GGA3: variants seen among roughly 807,000 people sequenced by gnomAD.
GGA3 encodes the protein ADP-ribosylation factor-binding protein GGA3.
A neutral mutation model predicts 77.5 loss-of-function variants in GGA3; 57 were observed. That is an observed-to-expected ratio of 0.74 (90% CI 0.59 to 0.92). The LOEUF is 0.92. Ranked by LOEUF, GGA3 falls within the 40% of genes least tolerant of loss-of-function variation. The pLI, the probability that GGA3 is intolerant of heterozygous loss-of-function variation, is 0.00. For synonymous variants in GGA3, 416 were observed against 383.7 expected, an observed-to-expected ratio of 1.08 and a Z score of -0.98; for missense variants, 970 against 914.9, an observed-to-expected ratio of 1.06 and a Z score of -0.78.
Position 75,239,804 on chromosome 17 carries a change from A to G in GGA3, c.1568T>C (p.Leu523Pro). The G allele has an allele frequency of 6.2e-7, 1 of 1,613,736 alleles. No individual in the cohort carries two copies. Among genetic ancestry groups the G allele is most frequent in the Admixed American group, 1.7e-5 (1 of 60,022 alleles). The change falls in exon 13 of 17, where the codon CTA becomes CCA. Residue 523 changes from leucine (L) to proline (P), a missense_variant. By Grantham distance (98) the Leu-to-Pro change is moderately conservative. Transcript: ENST00000537686. ...LHHLDALDQL[L>P]EEAKVTSGLV... ...CACTCATTACACTTTGGCCTCTTCT[A>G]GAAGCTGATCGAGGGCATCCAGGTG...
At chr17:75,251,477 G>A (rs2076963364) in intron 1 of GGA3, among the ~76,000 whole-genome samples, 1 of 152,056 alleles carries the variant, frequency 6.6e-6, no homozygotes, top group Non-Finnish European at 1.5e-5. Context: ...AGAGGCTGAG[G>A]TGGGTGGATC....
At chr17:75,240,283 G>C (rs1316533075) in intron 12 of GGA3, 59 bp downstream of exon 12, 1 of 1,281,164 alleles carries the variant, frequency 7.8e-7, no homozygotes, top group East Asian at 2.4e-5. Context: ...CAGGAGACAT[G>C]ACGCTGGAAA....
chr17:75,244,238 CGGCCAGCTGAGCATCGGAGCAATGACGGA>C (rs549000969), intron 4 of GGA3, among the ~76,000 whole-genome samples: 15 of 152,286 alleles, frequency 9.8e-5, no homozygotes, highest in African/African-American at 3.4e-4. Context: ...CAACAGAACA[CGGCCAGCTGAGCATCGGAGCAATGACGGA>C]GGCCAGCTCC....
chr17:75,241,401 T>C lies in GGA3; in HGVS notation c.945A>G (p.Glu315=). 1 of 1,594,978 alleles carries C rather than the reference T, an allele frequency of 6.3e-7. No homozygotes were observed. ...GAGTTGGGGACCAGAGCATCTCACC[T>C]TCCGAGTCAGGCAGGGTTAAGGTAG... ...EVATLTLPDS[E]GNSQCSNQGT... The change falls in exon 10 of 17, where the codon GAA becomes GAG. Residue 315 remains glutamate, a splice_region_variant and synonymous_variant. Coordinates refer to ENST00000537686, the MANE Select transcript of GGA3 (RefSeq NM_138619.4).
chr17:75,238,716 G>A lies in GGA3; in HGVS notation c.1997C>T (p.Pro666Leu). 1 of 1,614,042 alleles carries A rather than the reference G, an allele frequency of 6.2e-7. No individual in the cohort carries two copies. Among genetic ancestry groups the A allele is most frequent in the Non-Finnish European group, 8.5e-7 (1 of 1,179,928 alleles). Residue 666 changes from proline (P) to leucine (L), a missense_variant, in exon 16 of 17, where the codon CCA becomes CTA. Physicochemically the swap from Pro to Leu is moderately conservative, Grantham distance 98. Transcript: ENST00000537686. ...LQPPSGTELSPFSPIQPPAAI... is the reference protein window; with the variant it reads ...LQPPSGTELSLFSPIQPPAAI... ...TGCAGGTGGCTGGATGGGGCTAAAT[G>A]GAGAGAGTTCTGTCCCAGAAGGTGG...
intron 1 of GGA3, among the ~76,000 whole-genome samples, chr17:75,257,416 C>T (rs2077194837): frequency 6.6e-6 from 1 of 152,154 alleles, no homozygotes; most frequent in African/African-American, 2.4e-5. Context: ...CAAGCCATCA[C>T]AGGTGATATC....
intron 1 of GGA3, among the ~76,000 whole-genome samples, chr17:75,247,893 T>C (rs1422405646): frequency 6.6e-6 from 1 of 152,202 alleles, no homozygotes; most frequent in Non-Finnish European, 1.5e-5. Context: ...GTGATTACAC[T>C]GAAGAGCCCA....
In GGA3 at chr17:75,252,861, T is replaced by A. The variant is rs561748475; in HGVS notation, c.41-6065A>T. ...ACCCTTGAGAATGTACTTTGTGAGA[T>A]CCATCCCTGCCCGCAAAACATTGCT... On this transcript the variant is annotated intron_variant, in intron 1 of 16. Coordinates refer to ENST00000537686, the MANE Select transcript of GGA3 (RefSeq NM_138619.4). Among the ~76,000 whole-genome samples the A allele has an allele frequency of 3.9e-5, 6 of 152,262 alleles. No homozygotes were observed. The South Asian group carries it at 1.2e-3, about 32-fold the overall frequency.
Position 75,241,687 on chromosome 17 carries a change from C to A in GGA3, c.757G>T (p.Asp253Tyr). The A allele has an allele frequency of 6.2e-7, 1 of 1,613,828 alleles. No homozygotes were observed. Among genetic ancestry groups the A allele is most frequent in the South Asian group, 1.1e-5 (1 of 91,048 alleles). ...GTCCGCCTCTTGTTCTCACACTGAT[C>A]AAACAGCTCCTGAAAGAGACTCGGA... is the stretch of plus-strand genomic sequence containing the variant. ...GDRELMKELF[D>Y]QCENKRRTLF... The change falls in exon 9 of 17, where the codon GAT (aspartate) becomes TAT (tyrosine). Residue 253 changes from aspartate to tyrosine, a missense_variant. Coordinates refer to ENST00000537686, the MANE Select transcript of GGA3 (RefSeq NM_138619.4).
At chr17:75,261,304 G>A (rs9906606) in intron 1 of GGA3, among the ~76,000 whole-genome samples, 1 of 152,108 alleles carries the variant, frequency 6.6e-6, no homozygotes, top group African/African-American at 2.4e-5. Flanking sequence ...CCCGACAGGA[G>A]CCCGAGTTCA....
rs1013021255 is a variant in GGA3, at chr17:75,237,335, T to G, written c.*944A>C. On this transcript the variant is annotated 3_prime_UTR_variant, in exon 17 of 17. Coordinates refer to ENST00000537686, the MANE Select transcript of GGA3 (RefSeq NM_138619.4). ...GTGTAACATTTGTGATCCTGAGGCC[T>G]CCTGTGTCCAGCCACAGGTGCCACA... The G allele has an allele frequency of 3.4e-5, 25 of 726,902 alleles. 1 individual carries two copies. Among genetic ancestry groups the G allele is most frequent in the Admixed American group, 1.9e-4 (9 of 46,998 alleles). The allele number at this position is 726,902 out of a possible 1,614,324, so 45.0% of individuals were successfully genotyped here. A position where few individuals can be genotyped will look rare whatever the true frequency, so the allele number is the denominator to read the frequency against.
chr17:75,261,631 T>C, upstream of GGA3: 2 of 1,502,256 alleles, frequency 1.3e-6, no homozygotes, highest in Non-Finnish European at 1.8e-6. Flanking sequence ...CGCGAGAGTC[T>C]GCACGAGCTG....
chr17:75,260,697 A>C (rs563179626), intron 1 of GGA3, among the ~76,000 whole-genome samples: 46 of 152,192 alleles, frequency 3.0e-4, no homozygotes, highest in Non-Finnish European at 4.6e-4. Context: ...CACTTAAAGG[A>C]GGCTTCCAGG....
chr17:75,248,237 C>T (rs534671916), intron 1 of GGA3, among the ~76,000 whole-genome samples: 27 of 151,594 alleles, frequency 1.8e-4, no homozygotes, highest in East Asian at 1.6e-3. Flanking sequence ...TTTGGGAGGC[C>T]GAGGCGGGCG....
At chr17:75,257,289 C>CACA (rs2077189431) in intron 1 of GGA3, among the ~76,000 whole-genome samples, 2 of 13,716 alleles carry the variant, frequency 1.5e-4, no homozygotes, top group Admixed American at 2.1e-3. Flanking sequence ...CCCCCCCCCC[C>CACA]AAAAAAAACC....
chr17:75,237,910 TAG>T lies in GGA3; in HGVS notation c.*367_*368del. ...GGAATGACCCATGACAGTCTCTCTT[TAG>T]AGACTCCCACCCCCCACCCCCCACC... On this transcript the variant is annotated 3_prime_UTR_variant, in exon 17 of 17. Coordinates refer to ENST00000537686, the MANE Select transcript of GGA3 (RefSeq NM_138619.4). The T allele has an allele frequency of 2.4e-6, 3 of 1,253,348 alleles. No homozygotes were observed. The highest frequency in any genetic ancestry group is 3.0e-6 in the Non-Finnish European group (3 of 993,792). The allele number at this position is 1,253,348 out of a possible 1,614,324, so 77.6% of individuals were successfully genotyped here.
At chr17:75,242,961 C>T (rs757314454) in intron 6 of GGA3, 50 bp from the exon 7 acceptor site, 1 of 1,515,776 alleles carries the variant, frequency 6.6e-7, no homozygotes, top group Admixed American at 1.7e-5. Context: ...CACCCGTACC[C>T]CAGGGAAACC....
At chr17:75,239,341 A>C (rs763733594) in intron 14 of GGA3, 34 bp downstream of exon 14, 2 of 1,491,890 alleles carry the variant, frequency 1.3e-6, no homozygotes, top group Non-Finnish European at 1.8e-6. Flanking sequence ...TATAGGCCCC[A>C]CCGCCCCACC....
At chr17:75,247,263 A>ATT (rs373755619) in intron 1 of GGA3, among the ~76,000 whole-genome samples, 4 of 145,820 alleles carry the variant, frequency 2.7e-5, no homozygotes, top group East Asian at 2.0e-4. Context: ...GTAACCACAA[A>ATT]TTTTTTTTTT....
Sources: allele counts gnomAD v4.1 joint callset (sites outside exome capture counted in the v4.1 genomes callset), GRCh38; gene constraint gnomAD v4.1.1; transcripts MANE v1.5; gene names NCBI Gene and HGNC (gene_info 2026-07-23, HGNC 2026-07-21).